The following SPEN variants were observed in gnomAD, a reference collection of about 807,000 sequenced individuals.
The protein encoded by SPEN is msx2-interacting protein.
SPEN carries 18 observed loss-of-function variants against 269.9 expected under a neutral mutation model. That is an observed-to-expected ratio of 0.07 (90% confidence interval 0.05 to 0.10). SPEN has a LOEUF of 0.10. Among genes scored for constraint, SPEN ranks in the 10% least tolerant of loss-of-function variants. The pLI is 1.00. For missense variants in SPEN, 3,822 were observed against 4,631.2 expected, an observed-to-expected ratio of 0.83 and a Z score of 5.07; for synonymous variants, 1,726 against 1,765.7, an observed-to-expected ratio of 0.98 and a Z score of 0.56.
Position 15,935,610 on chromosome 1 carries a change from C to A in SPEN, c.9370C>A (p.Leu3124Met), listed in dbSNP as rs778137233. Residue 3124 changes from leucine to methionine, a missense_variant, in exon 11 of 15, where the codon CTG becomes ATG. Coordinates refer to ENST00000375759, the MANE Select transcript of SPEN (RefSeq NM_015001.3). The surrounding 1 kb of genome is among the most constrained non-coding windows in gnomAD (Gnocchi z 7.7). ...PEALHSPRAP[L>M]QPQQIEVRAP... ...AGCGCTTCACTCTCCTCGGGCTCCG[C>A]TGCAGCCCCAGCAAATAGAGGTCAG... is the stretch of plus-strand genomic sequence containing the variant. 4.2e-5 allele frequency: 68 copies of A among 1,614,060 alleles called. No homozygotes were observed. The highest frequency in any genetic ancestry group is 5.7e-5 in the Non-Finnish European group (67 of 1,180,016).
At chr1:15,851,678 C>A (rs964889667) in intron 1 of SPEN, among the ~76,000 whole-genome samples, 59 of 152,136 alleles carry the variant, frequency 3.9e-4, no homozygotes, top group Non-Finnish European at 6.8e-4. Context: ...TGAGGTAGCC[C>A]CTCGTGTAAA....
rs202027513 is a variant in SPEN, at chr1:15,928,551, C to T, written c.2311C>T (p.Pro771Ser). The T allele has an allele frequency of 1.1e-5, 17 of 1,613,984 alleles. No homozygotes were observed. Among genetic ancestry groups the T allele is most frequent in the South Asian group, 8.8e-5 (8 of 91,076 alleles). ...GAGTGGAAGCTGTAGCTCACTCTCCCCTCCAAGATATGAGAAACTGGACAA... is the reference window on the plus strand; with the variant it reads ...GAGTGGAAGCTGTAGCTCACTCTCCTCTCCAAGATATGAGAAACTGGACAA... ...DRSGSCSSLS[P>S]PRYEKLDKSR... Residue 771 changes from proline to serine, a missense_variant, in exon 11 of 15, where the codon CCT becomes TCT. Pro to Ser is a moderately conservative substitution (Grantham distance 74, BLOSUM62 -1). Around this residue, in one of 16 missense-constraint regions of SPEN, gnomAD observed 572 missense variants for 582.6 expected, o/e 0.98. Transcript: ENST00000375759. This position sits in a 1 kb window ranked among gnomAD's most constrained non-coding sequence, Gnocchi z 5.7.
chr1:15,884,012 A>C (rs1251784678), intron 3 of SPEN, among the ~76,000 whole-genome samples: 2 of 151,806 alleles, frequency 1.3e-5, no homozygotes, highest in South Asian at 2.1e-4. Context: ...GGGTTTCATC[A>C]TGTTAGCCAG....
chr1:15,928,471 C>A lies in SPEN; in HGVS notation c.2231C>A (p.Ala744Glu). The A allele has an allele frequency of 6.2e-7, 1 of 1,614,050 alleles. No individual in the cohort carries two copies. Among genetic ancestry groups the A allele is most frequent in the Non-Finnish European group, 8.5e-7 (1 of 1,180,020 alleles). The change falls in exon 11 of 15, where the codon GCA becomes GAA. Residue 744 changes from alanine to glutamate, a missense_variant. By Grantham distance (107) the Ala-to-Glu change is moderately radical (BLOSUM62 -1). Around this residue, in one of 16 missense-constraint regions of SPEN, gnomAD observed 572 missense variants for 582.6 expected, o/e 0.98. Transcript: ENST00000375759. This position sits in a 1 kb window ranked among gnomAD's most constrained non-coding sequence, Gnocchi z 5.7. ...PQSPGASPSQ[A>E]ERLPSDSERR... Reference sequence around the variant, plus strand: ...AGTCCTGGAGCGTCTCCCTCTCAGGCAGAGAGGTTGCCGAGTGATTCTGAG... The same window carrying A: ...AGTCCTGGAGCGTCTCCCTCTCAGGAAGAGAGGTTGCCGAGTGATTCTGAG...
chr1:15,864,757 C>T (rs2070485328), intron 1 of SPEN, among the ~76,000 whole-genome samples: 1 of 151,280 alleles, frequency 6.6e-6, no homozygotes, highest in South Asian at 2.1e-4. Flanking sequence ...GCTCCCGTCT[C>T]AGCCTACCGA....
rs1383831323 is a variant in SPEN at position 15,848,091 on chromosome 1, C to G, written c.24C>G (p.Leu8=). 6.7e-7 allele frequency: 1 copy of G among 1,481,974 alleles called. No individual in the cohort carries two copies. The highest frequency in any genetic ancestry group is 9.0e-7 in the Non-Finnish European group (1 of 1,106,548). 91.8% of individuals were successfully genotyped at this position (1,481,974 alleles called of 1,614,324 possible). ...GCATGGTCCGGGAAACCAGGCATCT[C>G]TGGGTGGGCAACTTACCCGAGAACG... MVRETRH[L]WVGNLPENVR... The change falls in exon 1 of 15, where the codon CTC becomes CTG. Residue 8 remains leucine (L), a synonymous_variant. Coordinates refer to ENST00000375759, the MANE Select transcript of SPEN (RefSeq NM_015001.3). This position sits in a 1 kb window ranked among gnomAD's most constrained non-coding sequence, Gnocchi z 5.1.
Position 15,933,523 on chromosome 1 carries a change from C to T in SPEN, c.7283C>T (p.Pro2428Leu). The part of the protein sequence containing the change: ...EERTPTKASV[P>L]PDLPPPPQPA... The stretch of plus-strand genomic sequence containing the variant: ...AGGACTCCAACCAAAGCATCTGTGC[C>T]CCCAGACCTTCCCCCACCTCCCCAG... Residue 2428 changes from proline (P) to leucine (L), a missense_variant, in exon 11 of 15, where the codon CCC (proline) becomes CTC (leucine). Coordinates refer to ENST00000375759, the MANE Select transcript of SPEN (RefSeq NM_015001.3). The surrounding 1 kb of genome is among the most constrained non-coding windows in gnomAD (Gnocchi z 5.7). 1.2e-6 allele frequency: 2 copies of T among 1,613,876 alleles called. No homozygotes were observed. Among genetic ancestry groups the T allele is most frequent in the Non-Finnish European group, 1.7e-6 (2 of 1,179,916 alleles).
At chr1:15,926,288 T>G (rs2071165946) in intron 10 of SPEN, among the ~76,000 whole-genome samples, 1 of 151,864 alleles carries the variant, frequency 6.6e-6, no homozygotes, top group Admixed American at 6.6e-5. Flanking sequence ...TCCCAGCTAC[T>G]TGTGGTGGTG....
chr1:15,939,500 G>A lies in SPEN; in HGVS notation c.*73G>A, dbSNP rs2071314905. On this transcript the variant is annotated 3_prime_UTR_variant, in exon 15 of 15. Transcript: ENST00000375759. The surrounding 1 kb of genome is among the most constrained non-coding windows in gnomAD (Gnocchi z 4.1). ...TAAAAACAAAGGACAACCCAGCCAA[G>A]CAGAGGAAGAAGCTGCCGAAGGGGA... 1 of 1,456,218 alleles carries A rather than the reference G, an allele frequency of 6.9e-7. No individual in the cohort carries two copies. Among genetic ancestry groups the A allele is most frequent in the Non-Finnish European group, 9.1e-7 (1 of 1,097,372 alleles). The allele number at this position is 1,456,218 out of a possible 1,614,324, so 90.2% of individuals were successfully genotyped here. A position where few individuals can be genotyped will look rare whatever the true frequency, so the allele number is the denominator to read the frequency against.
At chr1:15,896,095 A>AT (rs1186410736) in intron 3 of SPEN, among the ~76,000 whole-genome samples, 8 of 148,300 alleles carry the variant, frequency 5.4e-5, no homozygotes, top group Admixed American at 2.7e-4. Flanking sequence ...TATTTTAATG[A>AT]TTTTTTTCCT....
chr1:15,902,178 C>T (rs761162149), intron 3 of SPEN, among the ~76,000 whole-genome samples: 20 of 152,188 alleles, frequency 1.3e-4, no homozygotes, highest in Admixed American at 6.5e-4. Context: ...ATCTTCCTGC[C>T]TCAGCCTCCC....
At chr1:15,867,113 T>C (rs902649495) in intron 1 of SPEN, among the ~76,000 whole-genome samples, 1 of 152,198 alleles carries the variant, frequency 6.6e-6, no homozygotes, top group Non-Finnish European at 1.5e-5. Flanking sequence ...CACCCCAGAA[T>C]GAAACCCACA....
chr1:15,891,199 T>A (rs1053578265), intron 3 of SPEN, among the ~76,000 whole-genome samples: 12 of 151,446 alleles, frequency 7.9e-5, no homozygotes, highest in South Asian at 2.1e-4. Flanking sequence ...ATGAAAAAAA[T>A]TTTTTTTTAG....
At chr1:15,890,148 A>T (rs959231647) in intron 3 of SPEN, among the ~76,000 whole-genome samples, 1 of 152,220 alleles carries the variant, frequency 6.6e-6, no homozygotes, top group African/African-American at 2.4e-5. Flanking sequence ...CATCCTCTAA[A>T]AACTTTCATT....
In SPEN at chr1:15,937,792, G is replaced by A. The variant is rs370064555; in HGVS notation, c.10510-20G>A. 1 of 1,613,460 alleles carries A rather than the reference G, an allele frequency of 6.2e-7. No individual in the cohort carries two copies. The highest frequency in any genetic ancestry group is 8.5e-7 in the Non-Finnish European group (1 of 1,179,752). On this transcript the variant is annotated intron_variant, in intron 12 of 14. Transcript: ENST00000375759. The surrounding 1 kb of genome is among the most constrained non-coding windows in gnomAD (Gnocchi z 5.7). Reference sequence around the variant, plus strand: ...GCGAGGGGCCATGAGCTCACTTCCTGTTTGTTTCCCTGTGAGCAGAAGTAC... The same window carrying A: ...GCGAGGGGCCATGAGCTCACTTCCTATTTGTTTCCCTGTGAGCAGAAGTAC...
intron 1 of SPEN, among the ~76,000 whole-genome samples, chr1:15,864,986 C>G (rs2070489349): frequency 6.6e-6 from 1 of 152,016 alleles, no homozygotes; most frequent in Admixed American, 6.6e-5. Context: ...TAGATGTTAG[C>G]CATCATTCCT....
At chr1:15,911,868 G>A (rs1416860738) in intron 5 of SPEN, among the ~76,000 whole-genome samples, 1 of 152,254 alleles carries the variant, frequency 6.6e-6, no homozygotes, top group African/African-American at 2.4e-5. Context: ...GGCTGAGGCG[G>A]GAGAATCGTG....
At chr1:15,887,617 A>G (rs1241505955) in intron 3 of SPEN, among the ~76,000 whole-genome samples, 2 of 151,926 alleles carry the variant, frequency 1.3e-5, no homozygotes, top group East Asian at 1.9e-4. Flanking sequence ...TAATGTTGCT[A>G]AAAATCAGAA....
rs71574142 is a variant in SPEN at position 15,860,442 on chromosome 1, AGTGTGTGTGT to A, written c.83+12317_83+12326del. On this transcript the variant is annotated intron_variant, in intron 1 of 14. Transcript: ENST00000375759. ...GTATGTGTAGCTAAGGTCCCACTGTAGTGTGTGTGTGTGTGTGTGTGTGTGTGTGTGTGTA... is the reference window on the plus strand; with the variant it reads ...GTATGTGTAGCTAAGGTCCCACTGTAGTGTGTGTGTGTGTGTGTGTGTGTA... Among the ~76,000 whole-genome samples the A allele has an allele frequency of 6.1e-3, 732 of 120,084 alleles. 7 individuals carry two copies. The highest frequency in any genetic ancestry group is 0.016 in the African/African-American group (505 of 31,226). The allele number at this position is 120,084 out of a possible 152,430, so 78.8% of individuals were successfully genotyped here. A position where few individuals can be genotyped will look rare whatever the true frequency, so the allele number is the denominator to read the frequency against.
Sources: gnomAD v4.1 joint callset for allele counts (sites outside exome capture counted in the v4.1 genomes callset) on GRCh38, gnomAD v4.1.1 for gene constraint, gnomAD v4.1.1 regional missense constraint, Gnocchi (gnomAD v3.1) non-coding constraint, MANE v1.5 for transcripts, NCBI Gene and HGNC (gene_info 2026-07-23, HGNC 2026-07-21) for gene names.